The following GRID1 variants were observed in gnomAD, a reference collection of about 807,000 sequenced individuals.
GRID1 encodes the protein glutamate receptor ionotropic, delta-1.
Under a neutral mutation model 98.0 loss-of-function variants are expected in GRID1, and 28 were observed. That is an observed-to-expected ratio of 0.29 (90% CI 0.21 to 0.39). GRID1 has a LOEUF of 0.39. Ranked by LOEUF, GRID1 falls within the 10% of genes least tolerant of loss-of-function variation. The probability of loss-of-function intolerance (pLI) is 1.00; values close to 1 mark genes in which losing one functional copy is unlikely to be tolerated. For synonymous variants in GRID1, 553 were observed against 538.5 expected, an observed-to-expected ratio of 1.03 and a Z score of -0.37; for missense variants, 1,111 against 1,340.5, an observed-to-expected ratio of 0.83 and a Z score of 2.67.
At chr10:86,149,250 T>C (rs1564690269) in intron 3 of GRID1, among the ~76,000 whole-genome samples, 1 of 148,952 alleles carries the variant, frequency 6.7e-6, no homozygotes, top group Admixed American at 6.6e-5. Context: ...GAAAACTCTT[T>C]GAGAGGGGAA....
At chr10:85,798,572 G>A (rs566045917) in intron 8 of GRID1, among the ~76,000 whole-genome samples, 1 of 151,950 alleles carries the variant, frequency 6.6e-6, no homozygotes. Context: ...CTGGAGTGAG[G>A]TGATATCTCA....
intron 8 of GRID1, among the ~76,000 whole-genome samples, chr10:85,779,382 G>C (rs931796697): frequency 2.6e-5 from 4 of 152,090 alleles, no homozygotes; most frequent in African/African-American, 9.7e-5. Context: ...CAGTTCTCCT[G>C]CCAGGGTTTC....
intron 3 of GRID1, among the ~76,000 whole-genome samples, chr10:86,150,044 C>A (rs1845141723): frequency 6.6e-6 from 1 of 152,188 alleles, no homozygotes; most frequent in Non-Finnish European, 1.5e-5. Flanking sequence ...CTTTCACTTA[C>A]GAGGTATTTG....
At chr10:85,937,341 G>T (rs1453494382) in intron 4 of GRID1, among the ~76,000 whole-genome samples, 2 of 152,212 alleles carry the variant, frequency 1.3e-5, no homozygotes, top group Non-Finnish European at 2.9e-5. Flanking sequence ...CCCATTTTCA[G>T]CAGGGGAAAA....
intron 5 of GRID1, among the ~76,000 whole-genome samples, chr10:85,878,569 C>T (rs1840943357): frequency 6.6e-6 from 1 of 152,102 alleles, no homozygotes; most frequent in Non-Finnish European, 1.5e-5. Context: ...CAAGCAAATG[C>T]TGAGAGATTT....
chr10:85,671,208 C>G (rs771068660), intron 12 of GRID1, among the ~76,000 whole-genome samples: 1 of 152,234 alleles, frequency 6.6e-6, no homozygotes, highest in African/African-American at 2.4e-5. Context: ...TATGGTAGCA[C>G]AGGCTTGCCA....
At chr10:86,362,472 T>C (rs1848612958) in intron 2 of GRID1, among the ~76,000 whole-genome samples, 2 of 152,192 alleles carry the variant, frequency 1.3e-5, no homozygotes, top group African/African-American at 4.8e-5. Context: ...AATGGACATC[T>C]GTCACAGCTG....
At chr10:85,665,332 C>A (rs1332087223) in intron 12 of GRID1, among the ~76,000 whole-genome samples, 1 of 152,172 alleles carries the variant, frequency 6.6e-6, no homozygotes, top group African/African-American at 2.4e-5. Context: ...CCCTGGTCCA[C>A]CCTCCCATGT....
chr10:86,115,327 G>A (rs1589376345), intron 4 of GRID1, among the ~76,000 whole-genome samples: 1 of 152,070 alleles, frequency 6.6e-6, no homozygotes, highest in South Asian at 2.1e-4. Context: ...CTTATATTTG[G>A]ATTACAAATG....
chr10:85,825,748 T>TA (rs1298871905), intron 8 of GRID1, among the ~76,000 whole-genome samples: 1 of 151,834 alleles, frequency 6.6e-6, no homozygotes, highest in Non-Finnish European at 1.5e-5. Flanking sequence ...AGAAATGCAA[T>TA]AGAAAACATA....
chr10:85,763,203 A>T (rs1003771218), intron 8 of GRID1, among the ~76,000 whole-genome samples: 9 of 151,966 alleles, frequency 5.9e-5, no homozygotes, highest in African/African-American at 2.2e-4. Flanking sequence ...CATTTTCTTA[A>T]TTTTCCTACT....
chr10:85,755,173 C>T (rs1482838405), intron 8 of GRID1, among the ~76,000 whole-genome samples: 1 of 152,154 alleles, frequency 6.6e-6, no homozygotes, highest in East Asian at 1.9e-4. Flanking sequence ...GGACTCCAGG[C>T]CTGGTCAAAC....
At chr10:86,201,181 A>C (rs1222541194) in intron 3 of GRID1, among the ~76,000 whole-genome samples, 2 of 152,244 alleles carry the variant, frequency 1.3e-5, no homozygotes, top group Non-Finnish European at 2.9e-5. Flanking sequence ...GCCCACAGAC[A>C]ATAAAGTAGA....
chr10:86,037,889 GTTAA>G (rs1422035171), intron 4 of GRID1, among the ~76,000 whole-genome samples: 7 of 152,218 alleles, frequency 4.6e-5, no homozygotes, highest in South Asian at 4.1e-4. Context: ...AAATTCATAC[GTTAA>G]AGGCCTAATC....
intron 12 of GRID1, among the ~76,000 whole-genome samples, chr10:85,661,981 CA>C (rs1477878092): frequency 6.6e-6 from 1 of 152,140 alleles, no homozygotes; most frequent in Non-Finnish European, 1.5e-5. Context: ...CTAGGTCTGC[CA>C]AAAACAAGGT....
Position 85,651,509 on chromosome 10 carries a change from T to C in GRID1, c.1998-4112A>G, listed in dbSNP as rs149041685. 5.3e-5 allele frequency among the ~76,000 whole-genome samples: 8 copies of C among 152,298 alleles called. No individual in the cohort carries two copies. In the East Asian group the frequency reaches 1.5e-3, roughly 29 times the overall value. ...AATGCTCCCCCATCAGCCCCCAGTC[T>C]ACTGCCTTGTCAACAACACACTTTA... On this transcript the variant is annotated intron_variant, in intron 12 of 15. Coordinates refer to ENST00000327946, the MANE Select transcript of GRID1 (RefSeq NM_017551.3).
chr10:85,830,280 C>T (rs968693151), intron 8 of GRID1, among the ~76,000 whole-genome samples: 3 of 152,134 alleles, frequency 2.0e-5, no homozygotes, highest in Non-Finnish European at 4.4e-5. Flanking sequence ...AACTGGACCC[C>T]TTCCTTACAT....
At chr10:86,301,850 G>A (rs560980992) in intron 2 of GRID1, among the ~76,000 whole-genome samples, 15 of 152,330 alleles carry the variant, frequency 9.8e-5, no homozygotes, top group Middle Eastern at 3.4e-3. Flanking sequence ...CACAGCCCTC[G>A]GATAACAGCT....
In GRID1 at chr10:85,819,893, G is replaced by A. The variant is rs568738018; in HGVS notation, c.1233+34603C>T. ...CACACCATTGCACTCTAGCCTGGGC[G>A]AAAAGAGCAAAACTGTCAAGAAAGA... On this transcript the variant is annotated intron_variant, in intron 8 of 15. Coordinates refer to ENST00000327946, the MANE Select transcript of GRID1 (RefSeq NM_017551.3). 1.8e-4 allele frequency among the ~76,000 whole-genome samples: 27 copies of A among 151,214 alleles called. No homozygotes were observed. The Middle Eastern group carries it at 0.014, about 76-fold the overall frequency.
Sources: gnomAD v4.1 joint callset for allele counts (sites outside exome capture counted in the v4.1 genomes callset) on GRCh38, gnomAD v4.1.1 for gene constraint, MANE v1.5 for transcripts, NCBI Gene and HGNC (gene_info 2026-07-23, HGNC 2026-07-21) for gene names.